Variants in DOP1A observed in about 807,000 individuals in gnomAD.
The protein encoded by DOP1A is DOP1 leucine zipper like protein A.
DOP1A carries 90 observed loss-of-function variants against 267.6 expected under a neutral mutation model. The ratio of observed to expected loss-of-function variants is 0.34; its 90% CI spans 0.28 to 0.40. DOP1A has a LOEUF of 0.40. Ranked by LOEUF, DOP1A falls within the 10% of genes least tolerant of loss-of-function variation. DOP1A has a pLI of 1.00. For synonymous variants in DOP1A, 932 were observed against 999.1 expected, an observed-to-expected ratio of 0.93 and a Z score of 1.27; for missense variants, 2,437 against 2,900.4, an observed-to-expected ratio of 0.84 and a Z score of 3.67.
intron 15 of DOP1A, among the ~76,000 whole-genome samples, chr6:83,128,343 T>G (rs1777512082): frequency 6.6e-6 from 1 of 152,196 alleles, no homozygotes; most frequent in Admixed American, 6.5e-5. Context: ...CATCTTCCCC[T>G]CTAGATTATA....
intron 1 of DOP1A, among the ~76,000 whole-genome samples, chr6:83,077,909 T>A (rs1430283547): frequency 1.3e-5 from 2 of 152,120 alleles, no homozygotes; most frequent in African/African-American, 4.8e-5. Flanking sequence ...TTTAAGAAAG[T>A]TTACGAATTT....
At chr6:83,140,498 A>G (rs761661141) in intron 23 of DOP1A, 95 bp downstream of exon 23, 21 of 1,010,020 alleles carry the variant, frequency 2.1e-5, no homozygotes, top group Non-Finnish European at 2.7e-5. Flanking sequence ...TGTAGTATTT[A>G]CAGGACTCTG....
intron 7 of DOP1A, among the ~76,000 whole-genome samples, chr6:83,113,690 T>C (rs1774941747): frequency 6.6e-6 from 1 of 152,222 alleles, no homozygotes; most frequent in African/African-American, 2.4e-5. Flanking sequence ...CAAGAGGTTC[T>C]CTATTGCTAA....
chr6:83,105,389 C>T (rs151078485), intron 4 of DOP1A, among the ~76,000 whole-genome samples: 4,399 of 91,344 alleles, frequency 0.048, 129 homozygotes, highest in Admixed American at 0.13. Flanking sequence ...TTTTTTGAGA[C>T]AGTCTCGCTC....
chr6:83,122,835 G>A (rs1776569317), intron 11 of DOP1A, 28 bp from the exon 12 acceptor site: 2 of 1,407,704 alleles, frequency 1.4e-6, no homozygotes, highest in South Asian at 3.0e-5. Flanking sequence ...ATATTTTTTA[G>A]TTTTTGTTTT....
chr6:83,147,239 C>A lies in DOP1A; in HGVS notation c.5680C>A (p.His1894Asn). 1 of 1,460,076 alleles carries A rather than the reference C, an allele frequency of 6.8e-7. No individual in the cohort carries two copies. Among genetic ancestry groups the A allele is most frequent in the Non-Finnish European group, 9.4e-7 (1 of 1,068,126 alleles). The allele number at this position is 1,460,076 out of a possible 1,614,324, so 90.4% of individuals were successfully genotyped here. The change falls in exon 26 of 39, where the codon CAT becomes AAT. Residue 1894 changes from histidine (H) to asparagine (N), a missense_variant. Around this residue, in one of 9 missense-constraint regions of DOP1A, gnomAD observed 307 missense variants for 308.6 expected, o/e 0.99. Coordinates refer to ENST00000349129, the MANE Select transcript of DOP1A (RefSeq NM_015018.4). ...QPPAIAKDKK[H>N]LSLEVCMLQF... ...AATTGATTTCTTTTATTTATAGAAACATCTTTCTTTGGAAGTCTGCATGCT... is the reference window on the plus strand; with the variant it reads ...AATTGATTTCTTTTATTTATAGAAAAATCTTTCTTTGGAAGTCTGCATGCT...
intron 1 of DOP1A, among the ~76,000 whole-genome samples, chr6:83,086,891 A>G (rs1769356074): frequency 6.6e-6 from 1 of 152,116 alleles, no homozygotes; most frequent in Non-Finnish European, 1.5e-5. Flanking sequence ...GGGTCAAGGA[A>G]AGGCTATGGG....
intron 38 of DOP1A, 79 bp downstream of exon 38, chr6:83,162,998 G>C: frequency 1.4e-6 from 2 of 1,441,880 alleles, no homozygotes; most frequent in Non-Finnish European, 1.9e-6. Flanking sequence ...ATACTTCCTG[G>C]GAAACTGAGA....
At chr6:83,083,581 G>A (rs1201563013) in intron 1 of DOP1A, among the ~76,000 whole-genome samples, 1 of 152,146 alleles carries the variant, frequency 6.6e-6, no homozygotes, top group Non-Finnish European at 1.5e-5. Flanking sequence ...CCTCATGGAT[G>A]TATTGTGAAG....
chr6:83,099,234 G>A (rs896245413), intron 3 of DOP1A, among the ~76,000 whole-genome samples: 1 of 152,114 alleles, frequency 6.6e-6, no homozygotes, highest in Admixed American at 6.6e-5. Flanking sequence ...AACCTGATAC[G>A]ACAGATAATC....
chr6:83,115,497 C>T (rs1266542186), intron 7 of DOP1A, among the ~76,000 whole-genome samples: 6 of 151,988 alleles, frequency 3.9e-5, no homozygotes, highest in African/African-American at 1.2e-4. Flanking sequence ...CCGAGGCAAG[C>T]GGATTACGAG....
At chr6:83,087,377 A>AT (rs1042269612) in intron 1 of DOP1A, among the ~76,000 whole-genome samples, 23 of 152,026 alleles carry the variant, frequency 1.5e-4, no homozygotes, top group African/African-American at 4.8e-4. Flanking sequence ...TGATTGTATG[A>AT]TTTTTTTCTC....
At chr6:83,090,928 G>T (rs1770239929) in intron 1 of DOP1A, among the ~76,000 whole-genome samples, 2 of 152,048 alleles carry the variant, frequency 1.3e-5, no homozygotes, top group African/African-American at 4.8e-5. Flanking sequence ...CCTAGGATTT[G>T]ACTATTGTAT....
chr6:83,114,873 T>C (rs1775156706), intron 7 of DOP1A, among the ~76,000 whole-genome samples: 1 of 152,192 alleles, frequency 6.6e-6, no homozygotes, highest in African/African-American at 2.4e-5. Flanking sequence ...AATAATCTTA[T>C]AATTCTAATA....
chr6:83,107,612 G>A (rs1773856671), intron 4 of DOP1A, among the ~76,000 whole-genome samples: 1 of 151,090 alleles, frequency 6.6e-6, no homozygotes, highest in Non-Finnish European at 1.5e-5. Flanking sequence ...AATAAAGAAT[G>A]ATAAGTGTTT....
chr6:83,155,671 G>C (rs574862465), intron 33 of DOP1A, among the ~76,000 whole-genome samples: 3 of 152,096 alleles, frequency 2.0e-5, no homozygotes, highest in African/African-American at 7.2e-5. Flanking sequence ...ATATTAAAGG[G>C]TTTCCTCAGG....
intron 4 of DOP1A, among the ~76,000 whole-genome samples, chr6:83,106,067 AT>A (rs1454834548): frequency 6.6e-6 from 1 of 152,202 alleles, no homozygotes; most frequent in Non-Finnish European, 1.5e-5. Flanking sequence ...TTTATATTAA[AT>A]GTAGATATGT....
At position 83,158,124 on chromosome 6, in the gene DOP1A, G is replaced by C. The variant is rs577384051; in HGVS notation, c.6742-443G>C. On this transcript the variant is annotated intron_variant, in intron 35 of 38. Coordinates refer to ENST00000349129, the MANE Select transcript of DOP1A (RefSeq NM_015018.4). ...GGCCATTCTCCTGCCTCAGCCTCCC[G>C]AGTAGCTGGGACTACAGGCACCTGC... Among the ~76,000 whole-genome samples the C allele has an allele frequency of 4.7e-4, 72 of 151,898 alleles. 2 individuals are homozygous for C. Among genetic ancestry groups the C allele is most frequent in the South Asian group, 1.5e-3 (7 of 4,810 alleles).
At chr6:83,080,119 C>G (rs1767833456) in intron 1 of DOP1A, among the ~76,000 whole-genome samples, 1 of 151,828 alleles carries the variant, frequency 6.6e-6, no homozygotes. Flanking sequence ...TTTTTTTTCC[C>G]CTGCCATCTA....
Sources: allele counts gnomAD v4.1 joint callset (sites outside exome capture counted in the v4.1 genomes callset), GRCh38; gene constraint gnomAD v4.1.1; regional missense constraint gnomAD v4.1.1; transcripts MANE v1.5; gene names NCBI Gene and HGNC (gene_info 2026-07-23, HGNC 2026-07-21).